KLF12: variants seen among roughly 807,000 people sequenced by gnomAD.
KLF12 encodes the protein KLF transcription factor 12.
KLF12 carries 9 observed loss-of-function variants against 37.8 expected under a neutral mutation model. The observed-to-expected ratio is 0.24, with a 90% CI of 0.14 to 0.42. The LOEUF is 0.42. Among genes scored for constraint, KLF12 ranks in the 10% least tolerant of loss-of-function variants. The probability of loss-of-function intolerance (pLI) is 1.00; values close to 1 mark genes in which losing one functional copy is unlikely to be tolerated. For synonymous variants in KLF12, 208 were observed against 202.1 expected, an observed-to-expected ratio of 1.03 and a Z score of -0.25; for missense variants, 411 against 516.0, an observed-to-expected ratio of 0.80 and a Z score of 1.97.
chr13:73,904,423 C>T (rs1438079487), intron 3 of KLF12, among the ~76,000 whole-genome samples: 1 of 147,072 alleles, frequency 6.8e-6, no homozygotes, highest in African/African-American at 2.5e-5. Flanking sequence ...TATTTACCTA[C>T]TTCACTAAGA....
At chr13:74,284,364 G>T in the KLF12 span, among the ~76,000 whole-genome samples, 2 of 152,136 alleles carry the variant, frequency 1.3e-5, no homozygotes, top group Non-Finnish European at 2.9e-5. Context: ...AGTCTTGAAG[G>T]GGGACGTGAG....
the KLF12 span, among the ~76,000 whole-genome samples, chr13:74,264,117 G>A: frequency 2.6e-5 from 4 of 152,076 alleles, no homozygotes; most frequent in African/African-American, 9.7e-5. Context: ...ATGACAAAAC[G>A]GTTAACTTTC....
chr13:73,797,769 C>CA (rs34644776), intron 5 of KLF12, among the ~76,000 whole-genome samples: 2,709 of 70,426 alleles, frequency 0.038, 85 homozygotes, highest in Admixed American at 0.07. Flanking sequence ...GATCCTGTCT[C>CA]AAAAAAAAAA....
intron 6 of KLF12, among the ~76,000 whole-genome samples, chr13:73,716,119 G>A (rs893743380): frequency 6.6e-6 from 1 of 152,102 alleles, no homozygotes; most frequent in African/African-American, 2.4e-5. Flanking sequence ...GTTTCTTTGT[G>A]GTGAGGAATA....
chr13:74,238,175 T>A, the KLF12 span, among the ~76,000 whole-genome samples: 1 of 131,938 alleles, frequency 7.6e-6, no homozygotes, highest in Admixed American at 7.1e-5. Context: ...GTCAAAAGCT[T>A]TTTCTGCATC....
chr13:73,981,649 G>C (rs976532320), intron 2 of KLF12, among the ~76,000 whole-genome samples: 1 of 152,204 alleles, frequency 6.6e-6, no homozygotes, highest in African/African-American at 2.4e-5. Flanking sequence ...TTATGTGTGA[G>C]ACTGCTACTG....
chr13:74,208,463 T>C, the KLF12 span, among the ~76,000 whole-genome samples: 1 of 152,120 alleles, frequency 6.6e-6, no homozygotes, highest in Non-Finnish European at 1.5e-5. Context: ...AGATGCATAT[T>C]TTGTCTGGGA....
chr13:73,735,926 C>T (rs1473585521), intron 6 of KLF12, among the ~76,000 whole-genome samples: 1 of 151,120 alleles, frequency 6.6e-6, no homozygotes, highest in African/African-American at 2.4e-5. Flanking sequence ...TGTCTTTGCC[C>T]TGTATGCACT....
At chr13:74,008,942 A>T (rs374375631) in intron 1 of KLF12, among the ~76,000 whole-genome samples, 60 of 152,290 alleles carry the variant, frequency 3.9e-4, no homozygotes, top group African/African-American at 1.3e-3. Context: ...TTTACTACAT[A>T]CCACTCTGAA....
chr13:74,266,147 A>G, the KLF12 span, among the ~76,000 whole-genome samples: 1 of 152,328 alleles, frequency 6.6e-6, no homozygotes, highest in African/African-American at 2.4e-5. Flanking sequence ...CTGGCAGCCC[A>G]TTTGATCCAG....
chr13:73,764,035 C>A (rs1216587313), intron 6 of KLF12, among the ~76,000 whole-genome samples: 1 of 152,016 alleles, frequency 6.6e-6, no homozygotes, highest in Non-Finnish European at 1.5e-5. Flanking sequence ...TAAAAATAAT[C>A]TTGATTTAGG....
At chr13:73,996,102 C>CCTAGCCTTTAATTTAA (rs1168697463) in intron 1 of KLF12, among the ~76,000 whole-genome samples, 5 of 152,310 alleles carry the variant, frequency 3.3e-5, no homozygotes, top group African/African-American at 1.2e-4. Context: ...GCTCCATAGG[C>CCTAGCCTTTAATTTAA]TTGACCAGTG....
chr13:73,926,409 G>T (rs538894034), intron 3 of KLF12, among the ~76,000 whole-genome samples: 328 of 152,174 alleles, frequency 2.2e-3, no homozygotes, highest in Non-Finnish European at 4.1e-3. Flanking sequence ...TAAAATTAAG[G>T]TATATACATT....
chr13:73,765,073 T>C (rs996932987), intron 5 of KLF12, 73 bp from the exon 6 acceptor site: 7 of 867,126 alleles, frequency 8.1e-6, no homozygotes, highest in Admixed American at 2.4e-5. Context: ...AAATGGCATG[T>C]TTTATAAATA....
chr13:73,918,485 A>G (rs1888953101), intron 3 of KLF12, among the ~76,000 whole-genome samples: 2 of 152,146 alleles, frequency 1.3e-5, no homozygotes, highest in Non-Finnish European at 2.9e-5. Flanking sequence ...CTCATCCCCC[A>G]GTACTATACA....
intron 3 of KLF12, among the ~76,000 whole-genome samples, chr13:73,859,376 T>A (rs1291074553): frequency 6.6e-6 from 1 of 152,172 alleles, no homozygotes; most frequent in African/African-American, 2.4e-5. Flanking sequence ...AGACCTGTAA[T>A]CTAAACCTAC....
chr13:74,096,205 A>G (rs540375947), intron 1 of KLF12, among the ~76,000 whole-genome samples: 1 of 152,356 alleles, frequency 6.6e-6, no homozygotes, highest in East Asian at 1.9e-4. Context: ...ACCAAGTTCA[A>G]GCAATTCCAA....
the KLF12 span, among the ~76,000 whole-genome samples, chr13:74,171,557 C>T: frequency 6.6e-6 from 1 of 152,190 alleles, no homozygotes; most frequent in Non-Finnish European, 1.5e-5. Context: ...CCGGTTCTCC[C>T]TGCAGCTCAG....
intron 6 of KLF12, among the ~76,000 whole-genome samples, chr13:73,754,514 G>T (rs1398100009): frequency 6.6e-6 from 1 of 152,096 alleles, no homozygotes; most frequent in African/African-American, 2.4e-5. Flanking sequence ...GTAGTTTAGT[G>T]GTGCTTCTGA....
Sources: gnomAD v4.1 joint callset for allele counts (sites outside exome capture counted in the v4.1 genomes callset) on GRCh38, gnomAD v4.1.1 for gene constraint, MANE v1.5 for transcripts, NCBI Gene and HGNC (gene_info 2026-07-23, HGNC 2026-07-21) for gene names.